SPATS2: variants seen among roughly 807,000 people sequenced by gnomAD.
SPATS2 encodes spermatogenesis associated serine rich 2.
Under a neutral mutation model 63.7 loss-of-function variants are expected in SPATS2, and 38 were observed. That is an observed-to-expected ratio of 0.60 (90% confidence interval 0.46 to 0.78). The LOEUF is 0.78. Among genes scored for constraint, SPATS2 ranks in the 30% least tolerant of loss-of-function variants. SPATS2 has a pLI of 0.00. For missense variants in SPATS2, 588 were observed against 666.2 expected (o/e 0.88, Z 1.29); for synonymous variants, 207 against 232.9 (o/e 0.89, Z 1.01).
rs1947040674 is a variant in SPATS2 at position 49,526,622 on chromosome 12, GGTGC to G, written c.*368_*371del. 2 of 210,996 alleles carry G rather than the reference GGTGC, an allele frequency of 9.5e-6. No individual in the cohort carries two copies. The highest frequency in any genetic ancestry group is 4.7e-5 in the African/African-American group (2 of 42,904). 13.1% of individuals were successfully genotyped at this position (210,996 alleles called of 1,614,324 possible). A position where few individuals can be genotyped will look rare whatever the true frequency, so the allele number is the denominator to read the frequency against. ...CTTTCCAATCTAAGCCGAAGCCACAGGTGCCTGACAGGTTCCCTTCTAACAACTA... is the reference window on the plus strand; with the variant it reads ...CTTTCCAATCTAAGCCGAAGCCACAGCTGACAGGTTCCCTTCTAACAACTA... On this transcript the variant is annotated 3_prime_UTR_variant, in exon 14 of 14. Coordinates refer to ENST00000552918, the MANE Select transcript of SPATS2 (RefSeq NM_023071.4).
intron 11 of SPATS2, among the ~76,000 whole-genome samples, chr12:49,521,843 G>A (rs922594885): frequency 2.0e-5 from 3 of 152,098 alleles, no homozygotes; most frequent in Non-Finnish European, 4.4e-5. Flanking sequence ...TGAAACTTTA[G>A]GAATTCAAGG....
chr12:49,393,178 A>G lies in SPATS2; in HGVS notation c.-244+21888A>G, dbSNP rs79661310. On this transcript the variant is annotated intron_variant, in intron 2 of 13. Transcript: ENST00000552918. ...CAACAATAAAAATGGAAAGAATAATATAATTAACTCCCCTGTAGACTCATC... is the reference window on the plus strand; with the variant it reads ...CAACAATAAAAATGGAAAGAATAATGTAATTAACTCCCCTGTAGACTCATC... 2.3e-3 allele frequency among the ~76,000 whole-genome samples: 344 copies of G among 152,268 alleles called. 1 individual carries two copies. Among genetic ancestry groups the G allele is most frequent in the African/African-American group, 7.8e-3 (324 of 41,542 alleles).
At chr12:49,390,092 A>T (rs974291152) in intron 2 of SPATS2, 2 of 1,374,206 alleles carry the variant, frequency 1.5e-6, no homozygotes, top group Non-Finnish European at 2.1e-6. Context: ...AACCTAAGGA[A>T]AGAAGATGTG....
chr12:49,514,725 T>A, intron 10 of SPATS2, 112 bp downstream of exon 10: 1 of 932,948 alleles, frequency 1.1e-6, no homozygotes, highest in Non-Finnish European at 1.6e-6. Flanking sequence ...AGTTTATATA[T>A]TTAAATAATC....
At chr12:49,516,579 G>A (rs1240199760) in intron 10 of SPATS2, among the ~76,000 whole-genome samples, 9 of 151,294 alleles carry the variant, frequency 5.9e-5, no homozygotes, top group African/African-American at 1.9e-4. Context: ...GGTGGCATGC[G>A]CCTGTAGTCC....
chr12:49,464,627 T>TA lies in SPATS2; in HGVS notation c.25+3610dup, dbSNP rs562743662. Among the ~76,000 whole-genome samples the TA allele has an allele frequency of 8.1e-3, 864 of 107,244 alleles. 5 individuals carry two copies. The highest frequency in any genetic ancestry group is 0.028 in the South Asian group (82 of 2,914). 70.4% of individuals were successfully genotyped at this position (107,244 alleles called of 152,430 possible). A position where few individuals can be genotyped will look rare whatever the true frequency, so the allele number is the denominator to read the frequency against. On this transcript the variant is annotated intron_variant, in intron 3 of 13. Coordinates refer to ENST00000552918, the MANE Select transcript of SPATS2 (RefSeq NM_023071.4). Reference sequence around the variant, plus strand: ...GGGCAACAAGAGCAAAACTCCATCTTAAAAAAAAAAAAAAAAAAAAGGACT... The same window carrying TA: ...GGGCAACAAGAGCAAAACTCCATCTTAAAAAAAAAAAAAAAAAAAAAGGACT...
chr12:49,463,595 A>C (rs1034345937), intron 3 of SPATS2: 11 of 152,214 alleles, frequency 7.2e-5, no homozygotes, highest in African/African-American at 2.2e-4. Flanking sequence ...GTCCCATGAC[A>C]TATAAAATAT....
intron 10 of SPATS2, 39 bp downstream of exon 10, chr12:49,514,652 T>A: frequency 1.9e-6 from 3 of 1,585,358 alleles, no homozygotes; most frequent in Non-Finnish European, 2.6e-6. Flanking sequence ...ATTACCTTCA[T>A]AAATAGTAGG....
chr12:49,418,489 G>A (rs1944929187), intron 2 of SPATS2, among the ~76,000 whole-genome samples: 2 of 151,988 alleles, frequency 1.3e-5, no homozygotes, highest in African/African-American at 4.8e-5. Flanking sequence ...TAGTAGAGAC[G>A]GGGTTTCGCC....
At chr12:49,400,755 G>T (rs541227371) in intron 2 of SPATS2, among the ~76,000 whole-genome samples, 1 of 152,308 alleles carries the variant, frequency 6.6e-6, no homozygotes, top group Non-Finnish European at 1.5e-5. Context: ...CCAAATAGAG[G>T]AGTGGGAGAA....
intron 6 of SPATS2, 99 bp downstream of exon 6, chr12:49,490,830 C>A: frequency 8.9e-7 from 1 of 1,128,940 alleles, no homozygotes; most frequent in Non-Finnish European, 1.3e-6. Context: ...ACATACATAT[C>A]TTCTGTTTAC....
chr12:49,518,190 G>A (rs1565761882), intron 10 of SPATS2, among the ~76,000 whole-genome samples: 1 of 152,208 alleles, frequency 6.6e-6, no homozygotes, highest in Admixed American at 6.5e-5. Flanking sequence ...ACTTGGAAAA[G>A]CAATGATCAA....
At chr12:49,457,939 A>G (rs2137657113) in intron 2 of SPATS2, among the ~76,000 whole-genome samples, 1 of 152,260 alleles carries the variant, frequency 6.6e-6, no homozygotes, top group East Asian at 1.9e-4. Flanking sequence ...GTAAGTTTCA[A>G]ATACTCACCC....
chr12:49,431,288 G>A (rs573733121), intron 2 of SPATS2, among the ~76,000 whole-genome samples: 2 of 151,122 alleles, frequency 1.3e-5, no homozygotes, highest in Non-Finnish European at 2.9e-5. Context: ...TCGCTCTGTC[G>A]CCCAGGCTGG....
chr12:49,407,642 G>C (rs556267584), intron 2 of SPATS2, among the ~76,000 whole-genome samples: 3 of 152,094 alleles, frequency 2.0e-5, no homozygotes, highest in Non-Finnish European at 2.9e-5. Flanking sequence ...GTGAGGCCCT[G>C]GCTCTCTATC....
intron 4 of SPATS2, among the ~76,000 whole-genome samples, chr12:49,489,068 C>CA (rs1946342601): frequency 6.6e-6 from 1 of 152,040 alleles, no homozygotes; most frequent in African/African-American, 2.4e-5. Flanking sequence ...AAATATGTTT[C>CA]AAAAAATCTT....
chr12:49,398,300 A>C (rs1423189932), intron 2 of SPATS2, among the ~76,000 whole-genome samples: 1 of 152,058 alleles, frequency 6.6e-6, no homozygotes, highest in Non-Finnish European at 1.5e-5. Flanking sequence ...AACTTTATAT[A>C]AGGGGGTTTT....
At chr12:49,485,539 T>A (rs2137841883) in intron 4 of SPATS2, among the ~76,000 whole-genome samples, 2 of 151,822 alleles carry the variant, frequency 1.3e-5, no homozygotes, top group South Asian at 4.2e-4. Flanking sequence ...TTTTTGTATT[T>A]GTAGTGGAGA....
rs1305408929 is a variant in SPATS2, at chr12:49,436,536, C to G, written c.-243-24234C>G. Among the ~76,000 whole-genome samples the G allele has an allele frequency of 1.8e-3, 216 of 119,824 alleles. 10 individuals are homozygous for G. Among genetic ancestry groups the G allele is most frequent in the African/African-American group, 6.6e-3 (197 of 29,960 alleles). The allele number at this position is 119,824 out of a possible 152,430, so 78.6% of individuals were successfully genotyped here. On this transcript the variant is annotated intron_variant, in intron 2 of 13. Coordinates refer to ENST00000552918, the MANE Select transcript of SPATS2 (RefSeq NM_023071.4). The stretch of plus-strand genomic sequence containing the variant: ...TGGCCGGGCGGGGGGCTGACCCCCC[C>G]GCCTCCTGGCCGGGCGGGGGGCTGA...
Sources: allele counts gnomAD v4.1 joint callset (sites outside exome capture counted in the v4.1 genomes callset), GRCh38; gene constraint gnomAD v4.1.1; transcripts MANE v1.5; gene names NCBI Gene and HGNC (gene_info 2026-07-23, HGNC 2026-07-21).